The following MAML2 variants were observed in gnomAD, a reference collection of about 807,000 sequenced individuals.
MAML2 encodes mastermind-like protein 2.
In MAML2, 22 loss-of-function variants were observed where a neutral mutation model predicts 96.1. The observed-to-expected ratio is 0.23, with a 90% CI of 0.16 to 0.33. The LOEUF is 0.33. MAML2 is among the 10% of genes least tolerant of loss of function. MAML2 has a pLI of 1.00. For synonymous variants in MAML2, 561 were observed against 521.3 expected (o/e 1.08, Z -1.04); for missense variants, 1,367 against 1,392.4 (o/e 0.98, Z 0.29).
rs571744848 is a variant in MAML2 at position 96,076,136 on chromosome 11, C to T, written c.2139+15756G>A. Reference sequence around the variant, plus strand: ...CTGCCTTTTGCCAAGAGGTGTGATCCTCATAGTCGTTTGAAATATCATCAA... The same window carrying T: ...CTGCCTTTTGCCAAGAGGTGTGATCTTCATAGTCGTTTGAAATATCATCAA... On this transcript the variant is annotated intron_variant, in intron 2 of 4. Transcript: ENST00000524717. Among the ~76,000 whole-genome samples, 58 of 152,254 alleles carry T rather than the reference C, an allele frequency of 3.8e-4. 1 individual carries two copies. The South Asian group carries it at 0.011, about 30-fold the overall frequency.
At chr11:96,256,701 T>C (rs762302821) in intron 1 of MAML2, among the ~76,000 whole-genome samples, 5 of 152,190 alleles carry the variant, frequency 3.3e-5, no homozygotes, top group Admixed American at 6.5e-5. Context: ...AAATAGTTAT[T>C]ACATTAATGA....
At chr11:96,298,632 T>C (rs1424317467) in intron 1 of MAML2, among the ~76,000 whole-genome samples, 4 of 151,824 alleles carry the variant, frequency 2.6e-5, no homozygotes, top group Non-Finnish European at 5.9e-5. Flanking sequence ...TTGTGCTAGG[T>C]TGCATATCTA....
chr11:96,004,230 T>G (rs2135721262), intron 2 of MAML2, among the ~76,000 whole-genome samples: 1 of 152,220 alleles, frequency 6.6e-6, no homozygotes, highest in South Asian at 2.1e-4. Context: ...TCTATTCTCA[T>G]TAAAAATGAA....
rs531174223 is a variant in MAML2 at position 96,250,444 on chromosome 11, ATAT to A, written c.513+90936_513+90938del. Among the ~76,000 whole-genome samples, 13 of 152,196 alleles carry A rather than the reference ATAT, an allele frequency of 8.5e-5. No homozygotes were observed. The South Asian group carries it at 1.7e-3, about 19-fold the overall frequency. Reference sequence around the variant, plus strand: ...CCGCCTTCTAGCTAGTTGAAACAATATATTATTGTTTGCTATAGTCATCCTACA... The same window carrying A: ...CCGCCTTCTAGCTAGTTGAAACAATATATTGTTTGCTATAGTCATCCTACA... On this transcript the variant is annotated intron_variant, in intron 1 of 4. Coordinates refer to ENST00000524717, the MANE Select transcript of MAML2 (RefSeq NM_032427.4).
chr11:96,267,046 C>G (rs542956127), intron 1 of MAML2, among the ~76,000 whole-genome samples: 1 of 152,090 alleles, frequency 6.6e-6, no homozygotes, highest in East Asian at 1.9e-4. Context: ...ACAGTATGTC[C>G]CTAATGTATA....
chr11:96,216,481 G>GATTGCACCAATTTAATT (rs1418116676), intron 1 of MAML2, among the ~76,000 whole-genome samples: 52 of 152,142 alleles, frequency 3.4e-4, no homozygotes, highest in African/African-American at 1.2e-3. Flanking sequence ...TTTTATTGTT[G>GATTGCACCAATTTAATT]GTACCATTAA....
At chr11:95,984,422 T>C (rs559938148) in intron 4 of MAML2, among the ~76,000 whole-genome samples, 5 of 152,298 alleles carry the variant, frequency 3.3e-5, no homozygotes, top group Non-Finnish European at 7.4e-5. Flanking sequence ...GAAGTAATCT[T>C]AGAGAGTGGA....
intron 1 of MAML2, among the ~76,000 whole-genome samples, chr11:96,316,147 G>A (rs1246737890): frequency 1.3e-5 from 2 of 152,156 alleles, no homozygotes; most frequent in East Asian, 1.9e-4. Context: ...ATTTGTTAGG[G>A]AAAACAGAAG....
At chr11:96,158,221 T>C (rs1861043642) in intron 1 of MAML2, among the ~76,000 whole-genome samples, 1 of 152,246 alleles carries the variant, frequency 6.6e-6, no homozygotes, top group African/African-American at 2.4e-5. Context: ...AATCATAGTT[T>C]ATTTACAGAT....
At chr11:96,094,365 T>G (rs1169949150) in intron 1 of MAML2, among the ~76,000 whole-genome samples, 2 of 152,206 alleles carry the variant, frequency 1.3e-5, no homozygotes, top group Non-Finnish European at 2.9e-5. Context: ...GCCTCAATTT[T>G]CTCATCTAGA....
intron 1 of MAML2, among the ~76,000 whole-genome samples, chr11:96,154,670 A>G (rs1007099152): frequency 1.3e-5 from 2 of 152,194 alleles, no homozygotes; most frequent in Admixed American, 6.5e-5. Context: ...GGTAGCAGGC[A>G]CTGTGAATAA....
At chr11:96,341,145 G>A (rs1863987114) in intron 1 of MAML2, among the ~76,000 whole-genome samples, 1 of 152,070 alleles carries the variant, frequency 6.6e-6, no homozygotes. Context: ...GGAAAACTCA[G>A]GCTTCTTATC....
intron 1 of MAML2, among the ~76,000 whole-genome samples, chr11:96,283,956 T>C (rs140415794): frequency 2.0e-5 from 3 of 152,334 alleles, no homozygotes; most frequent in Middle Eastern, 3.4e-3. Flanking sequence ...TGTCTTCCTT[T>C]TTCAAAACTT....
In MAML2 at chr11:96,071,397, G is replaced by T. The variant is rs761462991; in HGVS notation, c.2139+20495C>A. Among the ~76,000 whole-genome samples the T allele has an allele frequency of 8.5e-5, 13 of 152,378 alleles. No individual in the cohort carries two copies. In the Middle Eastern group the frequency reaches 0.01, roughly 120 times the overall value. On this transcript the variant is annotated intron_variant, in intron 2 of 4. Transcript: ENST00000524717. ...TGAAAGAGATGTCACACTAAACTTG[G>T]AATTATTTTGAAATCCACAGCCCAT...
chr11:96,015,978 G>A (rs1057467578), intron 2 of MAML2, among the ~76,000 whole-genome samples: 1 of 152,036 alleles, frequency 6.6e-6, no homozygotes, highest in East Asian at 1.9e-4. Context: ...ATGTATTAGA[G>A]ATAATACATG....
chr11:96,123,932 T>C (rs1384414893), intron 1 of MAML2, among the ~76,000 whole-genome samples: 2 of 151,944 alleles, frequency 1.3e-5, no homozygotes, highest in East Asian at 1.9e-4. Context: ...TAGCCGGGCA[T>C]GGTGGCACGC....
At chr11:96,334,115 C>T (rs1863887705) in intron 1 of MAML2, among the ~76,000 whole-genome samples, 1 of 152,168 alleles carries the variant, frequency 6.6e-6, no homozygotes, top group African/African-American at 2.4e-5. Context: ...AAATCTATCC[C>T]AGGTGATGTC....
At chr11:96,268,894 A>G (rs542052251) in intron 1 of MAML2, among the ~76,000 whole-genome samples, 1 of 144,870 alleles carries the variant, frequency 6.9e-6, no homozygotes, top group South Asian at 2.2e-4. Flanking sequence ...TTTATAAATT[A>G]CCCAGTCTTA....
chr11:96,106,512 G>C (rs1410298573), intron 1 of MAML2, among the ~76,000 whole-genome samples: 4 of 152,144 alleles, frequency 2.6e-5, no homozygotes, highest in Non-Finnish European at 4.4e-5. Flanking sequence ...GACTGCCCCT[G>C]ATTAGAAGGA....
Sources: gnomAD v4.1 joint callset for allele counts (sites outside exome capture counted in the v4.1 genomes callset) on GRCh38, gnomAD v4.1.1 for gene constraint, MANE v1.5 for transcripts, NCBI Gene and HGNC (gene_info 2026-07-23, HGNC 2026-07-21) for gene names.